Variants in PTPRQ observed in about 807,000 individuals in gnomAD.
PTPRQ encodes the protein protein tyrosine phosphatase receptor type Q.
PTPRQ carries 199 observed loss-of-function variants against 246.0 expected under a neutral mutation model. The observed-to-expected ratio is 0.81, with a 90% CI of 0.72 to 0.91. The LOEUF is 0.91. Ranked by LOEUF, PTPRQ falls within the 40% of genes least tolerant of loss-of-function variation. PTPRQ has a pLI of 0.00. For synonymous variants in PTPRQ, 869 were observed against 853.2 expected (o/e 1.02, Z -0.32); for missense variants, 2,624 against 2,528.4 (o/e 1.04, Z -0.81).
chr12:80,499,083 T>A (rs1894716770), intron 14 of PTPRQ, among the ~76,000 whole-genome samples: 2 of 149,058 alleles, frequency 1.3e-5, no homozygotes, highest in Admixed American at 1.4e-4. Flanking sequence ...ACCATTTGGG[T>A]AAAAGGACTC....
At chr12:80,445,847 G>T in intron 3 of PTPRQ, 130 bp downstream of exon 3, 5 of 622,676 alleles carry the variant, frequency 8.0e-6, no homozygotes, top group Non-Finnish European at 8.4e-6. Context: ...TCACAGTCAT[G>T]GCCTCACACC....
chr12:80,647,439 G>A (rs1163027), intron 35 of PTPRQ, among the ~76,000 whole-genome samples: 16,144 of 152,028 alleles, frequency 0.11, 1,315 homozygotes, highest in African/African-American at 0.22. Flanking sequence ...GTATCATAGG[G>A]GCACTGGGCA....
chr12:80,537,103 C>T (rs1896010873), intron 19 of PTPRQ, among the ~76,000 whole-genome samples: 2 of 152,136 alleles, frequency 1.3e-5, no homozygotes, highest in African/African-American at 4.8e-5. Flanking sequence ...CTTAAGAATG[C>T]TTTTAAGTGT....
chr12:80,606,686 A>T (rs995092367), intron 27 of PTPRQ, among the ~76,000 whole-genome samples: 2 of 151,040 alleles, frequency 1.3e-5, no homozygotes. Flanking sequence ...TTAAATGGAG[A>T]TATAATGCTT....
chr12:80,495,382 A>G lies in PTPRQ; in HGVS notation c.1882+11A>G. The G allele has an allele frequency of 7.3e-7, 1 of 1,378,202 alleles. No individual in the cohort carries two copies. The highest frequency in any genetic ancestry group is 9.5e-7 in the Non-Finnish European group (1 of 1,055,756). The allele number at this position is 1,378,202 out of a possible 1,614,324, so 85.4% of individuals were successfully genotyped here. On this transcript the variant is annotated intron_variant, in intron 12 of 44. Coordinates refer to ENST00000644991, the MANE Select transcript of PTPRQ (RefSeq NM_001145026.2). Reference sequence around the variant, plus strand: ...GCTTTCTCATAACAGGTAGAAAACAATGTTTTGTTGTTGTTGTTGTTGTTC... The same window carrying G: ...GCTTTCTCATAACAGGTAGAAAACAGTGTTTTGTTGTTGTTGTTGTTGTTC...
chr12:80,553,365 G>A (rs113764372), intron 25 of PTPRQ, among the ~76,000 whole-genome samples: 9 of 151,886 alleles, frequency 5.9e-5, no homozygotes, highest in African/African-American at 1.9e-4. Flanking sequence ...ATTTTTTATG[G>A]ATTCACATGA....
chr12:80,502,078 G>T (rs1204609098), intron 14 of PTPRQ, among the ~76,000 whole-genome samples: 1 of 151,972 alleles, frequency 6.6e-6, no homozygotes, highest in Admixed American at 6.6e-5. Context: ...GTATATTACA[G>T]TGTATGTGTG....
intron 14 of PTPRQ, among the ~76,000 whole-genome samples, chr12:80,504,502 T>C (rs1565750700): frequency 6.6e-6 from 1 of 151,838 alleles, no homozygotes; most frequent in Non-Finnish European, 1.5e-5. Flanking sequence ...ACTGTGTATG[T>C]GTGTGTGTGT....
At chr12:80,463,717 A>G (rs1249229884) in intron 6 of PTPRQ, among the ~76,000 whole-genome samples, 2 of 151,670 alleles carry the variant, frequency 1.3e-5, no homozygotes, top group South Asian at 2.1e-4. Context: ...AATATTCAAC[A>G]TTCTTAAAGA....
At chr12:80,470,243 TACAGATAATTTGTCCATACTA>T (rs1209504640) in intron 7 of PTPRQ, among the ~76,000 whole-genome samples, 12 of 152,338 alleles carry the variant, frequency 7.9e-5, no homozygotes, top group African/African-American at 2.2e-4. Flanking sequence ...GAGATAAGAA[TACAGATAATTTGTCCATACTA>T]ACAGATAATT....
At chr12:80,667,186 C>T (rs530584259) in intron 39 of PTPRQ, among the ~76,000 whole-genome samples, 1 of 151,954 alleles carries the variant, frequency 6.6e-6, no homozygotes, top group African/African-American at 2.4e-5. Flanking sequence ...ATTCCTGACA[C>T]CCTTCTCCTT....
intron 3 of PTPRQ, among the ~76,000 whole-genome samples, chr12:80,456,559 T>C (rs1472839872): frequency 6.6e-6 from 1 of 152,166 alleles, no homozygotes; most frequent in Non-Finnish European, 1.5e-5. Flanking sequence ...AGGAAGGTGA[T>C]TTAGTCAACC....
At chr12:80,602,718 T>A (rs1898183773) in intron 26 of PTPRQ, among the ~76,000 whole-genome samples, 1 of 151,778 alleles carries the variant, frequency 6.6e-6, no homozygotes, top group Admixed American at 6.6e-5. Flanking sequence ...TTTCAACATC[T>A]AAATTTTGGA....
intron 25 of PTPRQ, among the ~76,000 whole-genome samples, chr12:80,585,348 T>G (rs1235371857): frequency 3.9e-5 from 6 of 152,176 alleles, no homozygotes; most frequent in Non-Finnish European, 8.8e-5. Flanking sequence ...CTCCTTCACA[T>G]TATATTCAGG....
intron 39 of PTPRQ, among the ~76,000 whole-genome samples, chr12:80,662,957 A>G (rs768595364): frequency 1.2e-4 from 18 of 152,024 alleles, no homozygotes; most frequent in Non-Finnish European, 2.4e-4. Context: ...CTTCATTTTC[A>G]TAAGATACAA....
At chr12:80,574,203 TTAATA>T (rs1897225325) in intron 25 of PTPRQ, among the ~76,000 whole-genome samples, 1 of 152,208 alleles carries the variant, frequency 6.6e-6, no homozygotes, top group Admixed American at 6.5e-5. Context: ...TTGTCTGTTA[TTAATA>T]TAACACATGT....
At chr12:80,514,553 A>G (rs1313231374) in intron 17 of PTPRQ, among the ~76,000 whole-genome samples, 2 of 144,132 alleles carry the variant, frequency 1.4e-5, no homozygotes, top group Non-Finnish European at 3.0e-5. Flanking sequence ...ATATATATAT[A>G]TATAAATATA....
intron 30 of PTPRQ, 128 bp downstream of exon 30, chr12:80,616,394 G>C (rs572379006): frequency 1.3e-6 from 1 of 759,112 alleles, no homozygotes; most frequent in Non-Finnish European, 1.8e-6. Context: ...CACATACTAA[G>C]TAAAAATGTG....
chr12:80,507,456 T>C (rs765099440), intron 16 of PTPRQ, among the ~76,000 whole-genome samples: 2 of 151,974 alleles, frequency 1.3e-5, no homozygotes, highest in Non-Finnish European at 2.9e-5. Context: ...TTTCTTTCTT[T>C]CAAGTTTCCC....
Sources: allele counts gnomAD v4.1 joint callset (sites outside exome capture counted in the v4.1 genomes callset), GRCh38; gene constraint gnomAD v4.1.1; transcripts MANE v1.5; gene names NCBI Gene and HGNC (gene_info 2026-07-23, HGNC 2026-07-21).